Variants in IQCM observed in about 807,000 individuals in gnomAD.
IQCM encodes IQ domain-containing protein M.
In IQCM, 45 loss-of-function variants were observed where a neutral mutation model predicts 57.6. The observed-to-expected ratio is 0.78, with a 90% CI of 0.62 to 1.00. The LOEUF (loss-of-function observed/expected upper bound fraction) is 1.00, where lower values mean the gene tolerates loss of function less well. Ranked by LOEUF, IQCM falls within the 50% of genes least tolerant of loss-of-function variation. IQCM has a pLI of 0.00. For synonymous variants in IQCM, 148 were observed against 158.9 expected, an observed-to-expected ratio of 0.93 and a Z score of 0.51; for missense variants, 468 against 511.6, an observed-to-expected ratio of 0.91 and a Z score of 0.82.
chr4:149,495,019 T>C (rs1209946527), intron 12 of IQCM, among the ~76,000 whole-genome samples: 1 of 151,914 alleles, frequency 6.6e-6, no homozygotes, highest in Non-Finnish European at 1.5e-5. Flanking sequence ...GACAGACAGA[T>C]AAAGGATAGT....
chr4:149,401,942 A>G (rs1578935566), intron 13 of IQCM, among the ~76,000 whole-genome samples: 1 of 151,836 alleles, frequency 6.6e-6, no homozygotes. Flanking sequence ...ACACAAAACT[A>G]TAATGTTCAA....
chr4:149,352,303 G>T (rs1728635159), intron 13 of IQCM, among the ~76,000 whole-genome samples: 1 of 152,164 alleles, frequency 6.6e-6, no homozygotes. Flanking sequence ...GTGAAACTGG[G>T]TTCCACTAAT....
intron 12 of IQCM, among the ~76,000 whole-genome samples, chr4:149,454,631 A>T (rs956470220): frequency 7.2e-5 from 11 of 152,052 alleles, no homozygotes; most frequent in African/African-American, 2.2e-4. Context: ...AGGTTTTTTT[A>T]AAAAATGTGG....
At chr4:149,361,325 A>G (rs1729467689) in intron 13 of IQCM, among the ~76,000 whole-genome samples, 1 of 152,156 alleles carries the variant, frequency 6.6e-6, no homozygotes, top group South Asian at 2.1e-4. Flanking sequence ...TCTGGGGAGA[A>G]ATTCAAGCTG....
At chr4:149,752,874 C>G (rs1036748531) in intron 2 of IQCM, among the ~76,000 whole-genome samples, 27 of 152,294 alleles carry the variant, frequency 1.8e-4, no homozygotes, top group Non-Finnish European at 3.5e-4. Flanking sequence ...GGGGTTATCA[C>G]AAGCTCCATA....
chr4:149,770,799 A>G (rs28642159), intron 2 of IQCM, among the ~76,000 whole-genome samples: 2,432 of 152,198 alleles, frequency 0.016, 62 homozygotes, highest in African/African-American at 0.055. Context: ...AGCACCTATG[A>G]AAAACCTACA....
chr4:149,417,410 G>C (rs1028698697), intron 13 of IQCM, among the ~76,000 whole-genome samples: 1 of 152,136 alleles, frequency 6.6e-6, no homozygotes, highest in Non-Finnish European at 1.5e-5. Context: ...TACAGTTTAC[G>C]TGCCAGGAGG....
rs938515854 is a variant in IQCM, at chr4:149,659,891, T to C, written c.565+22227A>G. On this transcript the variant is annotated intron_variant, in intron 7 of 13. Transcript: ENST00000636793. ...ACCATAAAAACCCTAGAAGAAAACCTAGGCATTACCATTCAGGACATAGGC... is the reference window on the plus strand; with the variant it reads ...ACCATAAAAACCCTAGAAGAAAACCCAGGCATTACCATTCAGGACATAGGC... 3.3e-3 allele frequency among the ~76,000 whole-genome samples: 496 copies of C among 151,740 alleles called. 5 individuals are homozygous for C. The highest frequency in any genetic ancestry group is 0.014 in the Middle Eastern group (4 of 292).
intron 12 of IQCM, among the ~76,000 whole-genome samples, chr4:149,482,083 A>G (rs1193241667): frequency 6.6e-6 from 1 of 151,592 alleles, no homozygotes; most frequent in Non-Finnish European, 1.5e-5. Context: ...TGGATTGTTC[A>G]CTGTTGACAT....
At chr4:149,473,368 G>A (rs1241931925) in intron 12 of IQCM, among the ~76,000 whole-genome samples, 1 of 152,156 alleles carries the variant, frequency 6.6e-6, no homozygotes, top group Non-Finnish European at 1.5e-5. Context: ...ACAGACACAT[G>A]AAAAAATGTT....
At chr4:149,613,000 T>G (rs1755439743) in intron 8 of IQCM, among the ~76,000 whole-genome samples, 1 of 152,042 alleles carries the variant, frequency 6.6e-6, no homozygotes, top group South Asian at 2.1e-4. Flanking sequence ...CCAAAAGTAA[T>G]TTTATTTCTA....
chr4:149,376,017 A>G (rs913264751), intron 13 of IQCM, among the ~76,000 whole-genome samples: 1 of 152,130 alleles, frequency 6.6e-6, no homozygotes, highest in African/African-American at 2.4e-5. Context: ...TTTATCATGC[A>G]TCTCTCCATC....
At chr4:149,801,354 A>T (rs1458481781) in intron 2 of IQCM, among the ~76,000 whole-genome samples, 1 of 151,960 alleles carries the variant, frequency 6.6e-6, no homozygotes, top group East Asian at 1.9e-4. Context: ...ACACTAAAAA[A>T]TGAGCTATCA....
intron 13 of IQCM, among the ~76,000 whole-genome samples, chr4:149,423,180 A>C (rs949664536): frequency 1.3e-5 from 2 of 152,078 alleles, no homozygotes; most frequent in African/African-American, 4.8e-5. Context: ...TAATTGACTC[A>C]CAGTTCCACA....
chr4:149,550,186 C>G (rs1748890414), intron 11 of IQCM, among the ~76,000 whole-genome samples: 1 of 152,158 alleles, frequency 6.6e-6, no homozygotes, highest in Non-Finnish European at 1.5e-5. Context: ...TTGATAAAGA[C>G]CCAGCACTCA....
intron 2 of IQCM, among the ~76,000 whole-genome samples, chr4:149,793,085 A>C (rs1015745931): frequency 1.3e-5 from 2 of 152,188 alleles, no homozygotes; most frequent in Non-Finnish European, 2.9e-5. Context: ...ATGGAATTTC[A>C]GCCTAATTAA....
chr4:149,359,450 T>C (rs1729321290), intron 13 of IQCM, among the ~76,000 whole-genome samples: 2 of 152,168 alleles, frequency 1.3e-5, no homozygotes, highest in African/African-American at 4.8e-5. Flanking sequence ...AATAGCAATA[T>C]TAGAGATTTA....
At chr4:149,608,697 A>T (rs1287359680) in intron 8 of IQCM, among the ~76,000 whole-genome samples, 1 of 151,998 alleles carries the variant, frequency 6.6e-6, no homozygotes. Context: ...CAAATTGAAA[A>T]CTTTCTTGAA....
At chr4:149,503,107 G>C (rs371418620) in intron 12 of IQCM, among the ~76,000 whole-genome samples, 1 of 152,094 alleles carries the variant, frequency 6.6e-6, no homozygotes, top group East Asian at 1.9e-4. Flanking sequence ...TATAATCCTA[G>C]CTACTTGGGA....
Sources: allele counts gnomAD v4.1 joint callset (sites outside exome capture counted in the v4.1 genomes callset), GRCh38; gene constraint gnomAD v4.1.1; transcripts MANE v1.5; gene names NCBI Gene and HGNC (gene_info 2026-07-23, HGNC 2026-07-21).